The following E2F3 variants were observed in gnomAD, a reference collection of about 807,000 sequenced individuals.
E2F3 encodes transcription factor E2F3.
Under a neutral mutation model 44.4 loss-of-function variants are expected in E2F3, and 11 were observed. The observed-to-expected ratio is 0.25, with a 90% CI of 0.16 to 0.41. E2F3 has a LOEUF of 0.41. Among genes scored for constraint, E2F3 ranks in the 10% least tolerant of loss-of-function variants. The pLI, the probability that E2F3 is intolerant of heterozygous loss-of-function variation, is 1.00. For synonymous variants in E2F3, 249 were observed against 253.0 expected (o/e 0.98, Z 0.15); for missense variants, 487 against 583.6 (o/e 0.83, Z 1.70).
At chr6:20,408,773 GAAT>G (rs1224400030) in intron 1 of E2F3, among the ~76,000 whole-genome samples, 1 of 152,284 alleles carries the variant, frequency 6.6e-6, no homozygotes, top group East Asian at 1.9e-4. Context: ...GGGACAAAAA[GAAT>G]AAAAAATAAT....
At chr6:20,418,258 GT>G (rs1279071447) in intron 1 of E2F3, among the ~76,000 whole-genome samples, 1 of 152,206 alleles carries the variant, frequency 6.6e-6, no homozygotes, top group African/African-American at 2.4e-5. Context: ...ATATAGTCGA[GT>G]TTTGTAAATA....
At chr6:20,471,654 T>C (rs1260686048) in intron 1 of E2F3, among the ~76,000 whole-genome samples, 1 of 152,210 alleles carries the variant, frequency 6.6e-6, no homozygotes, top group East Asian at 1.9e-4. Context: ...GTGCTGTTTT[T>C]AATAGACAAA....
intron 1 of E2F3, among the ~76,000 whole-genome samples, chr6:20,461,230 A>G (rs1761497674): frequency 6.6e-6 from 1 of 152,026 alleles, no homozygotes; most frequent in African/African-American, 2.4e-5. Context: ...ACGGTGGCTC[A>G]CTCCTGTAAT....
chr6:20,423,374 A>T (rs1760091358), intron 1 of E2F3, among the ~76,000 whole-genome samples: 1 of 145,926 alleles, frequency 6.9e-6, no homozygotes, highest in African/African-American at 2.4e-5. Context: ...ACAGTATAGT[A>T]AAAATACAGT....
At chr6:20,488,388 C>G in intron 6 of E2F3, 140 bp downstream of exon 6, 1 of 1,067,252 alleles carries the variant, frequency 9.4e-7, no homozygotes, top group Non-Finnish European at 1.3e-6. Context: ...GACATTCTGA[C>G]TGGTTTGCAG....
chr6:20,441,927 C>G (rs181837267), intron 1 of E2F3, among the ~76,000 whole-genome samples: 1 of 152,048 alleles, frequency 6.6e-6, no homozygotes, highest in Admixed American at 6.6e-5. Flanking sequence ...CCCCATCTTA[C>G]AATCCTACTA....
At chr6:20,416,735 A>T (rs1458462729) in intron 1 of E2F3, among the ~76,000 whole-genome samples, 1 of 152,086 alleles carries the variant, frequency 6.6e-6, no homozygotes, top group Non-Finnish European at 1.5e-5. Flanking sequence ...GTAGGGGGAA[A>T]CCCAGGCCGT....
At chr6:20,465,654 G>A (rs1329665716) in intron 1 of E2F3, among the ~76,000 whole-genome samples, 1 of 152,126 alleles carries the variant, frequency 6.6e-6, no homozygotes, top group East Asian at 1.9e-4. Context: ...TTATGCCTTT[G>A]CATCCTCATA....
Position 20,402,586 on chromosome 6 carries a change from G to T in E2F3, c.354G>T (p.Ala118=). Residue 118 remains alanine, a synonymous_variant, in exon 1 of 7, where the codon GCG becomes GCT. Transcript: ENST00000346618. This position sits in a 1 kb window ranked among gnomAD's most constrained non-coding sequence, Gnocchi z 5.6. ...CCGGGCTGCTGCAGCAGCCACCAGC[G>T]CTGGGACGCGGCGGCAGCGGCGGCG... The part of the protein sequence containing the change: ...SRAGLLQQPP[A]LGRGGSGGGG... The T allele has an allele frequency of 7.1e-7, 1 of 1,416,560 alleles. No individual in the cohort carries two copies. The highest frequency in any genetic ancestry group is 1.5e-5 in the South Asian group (1 of 64,886). The allele number at this position is 1,416,560 out of a possible 1,614,324, so 87.7% of individuals were successfully genotyped here.
At chr6:20,470,887 C>T (rs1222227590) in intron 1 of E2F3, among the ~76,000 whole-genome samples, 2 of 152,122 alleles carry the variant, frequency 1.3e-5, no homozygotes, top group East Asian at 1.9e-4. Context: ...GTTTTGAACC[C>T]GTACATATTG....
intron 1 of E2F3, among the ~76,000 whole-genome samples, chr6:20,457,295 C>G (rs80055848): frequency 0.016 from 2,383 of 151,894 alleles, 22 homozygotes; most frequent in Non-Finnish European, 0.022. Flanking sequence ...CCGTCTCGGC[C>G]TCCCAAGTAG....
intron 1 of E2F3, among the ~76,000 whole-genome samples, chr6:20,412,931 C>G (rs909574909): frequency 3.9e-5 from 6 of 152,186 alleles, no homozygotes; most frequent in Non-Finnish European, 7.3e-5. Flanking sequence ...CCGCATGTAT[C>G]GAGGGCACTA....
chr6:20,492,658 G>A lies in E2F3; in HGVS notation c.*2228G>A. 4.3e-6 allele frequency: 1 copy of A among 232,014 alleles called. No homozygotes were observed. The highest frequency in any genetic ancestry group is 8.5e-6 in the Non-Finnish European group (1 of 117,020). 14.4% of individuals were successfully genotyped at this position (232,014 alleles called of 1,614,324 possible). On this transcript the variant is annotated 3_prime_UTR_variant, in exon 7 of 7. Transcript: ENST00000346618. ...TGGCTAGATTGTTGTGTGTTTTGTT[G>A]AATTTTTTCATAATGTAATGCCGTA...
chr6:20,482,567 GA>G (rs1197479450), intron 3 of E2F3, among the ~76,000 whole-genome samples, 194 bp from the exon 4 acceptor site: 1 of 140,174 alleles, frequency 7.1e-6, no homozygotes, highest in Non-Finnish European at 1.5e-5. Flanking sequence ...TCTATGCTGT[GA>G]AAAGTGCAGA....
chr6:20,427,386 ACTC>A (rs1334326323), intron 1 of E2F3, among the ~76,000 whole-genome samples: 2 of 152,144 alleles, frequency 1.3e-5, no homozygotes, highest in African/African-American at 2.4e-5. Context: ...TCCTGAAACT[ACTC>A]CTGCAAAATC....
rs749613821 is a variant in E2F3 at position 20,402,469 on chromosome 6, A to C, written c.237A>C (p.Val79=). ...SCSSSLQSGA[V]AAGPLLPSAP... ...CCTCCTCCCTCCAAAGCGGCGCCGT[A>C]GCCGCCGGCCCCCTCCTCCCCAGTG... is the stretch of plus-strand genomic sequence containing the variant. Residue 79 remains valine (V), a synonymous_variant, in exon 1 of 7, where the codon GTA becomes GTC. Transcript: ENST00000346618. This position sits in a 1 kb window ranked among gnomAD's most constrained non-coding sequence, Gnocchi z 5.6. 7.5e-6 allele frequency: 12 copies of C among 1,609,144 alleles called. No individual in the cohort carries two copies. Among genetic ancestry groups the C allele is most frequent in the Non-Finnish European group, 1.0e-5 (12 of 1,179,252 alleles).
At chr6:20,431,788 G>T (rs1463642127) in intron 1 of E2F3, among the ~76,000 whole-genome samples, 1 of 152,138 alleles carries the variant, frequency 6.6e-6, no homozygotes, top group Non-Finnish European at 1.5e-5. Flanking sequence ...TCTAAATTTA[G>T]ACACCTATTA....
At chr6:20,466,130 G>T (rs927032757) in intron 1 of E2F3, among the ~76,000 whole-genome samples, 2 of 148,248 alleles carry the variant, frequency 1.3e-5, no homozygotes, top group South Asian at 2.1e-4. Context: ...GGCGGGGGGT[G>T]TGGGCAGAGT....
chr6:20,442,824 G>A (rs981414370), intron 1 of E2F3, among the ~76,000 whole-genome samples: 2 of 152,004 alleles, frequency 1.3e-5, no homozygotes, highest in Admixed American at 1.3e-4. Context: ...AGAAAAATTG[G>A]CCGGGCATGG....
Sources: gnomAD v4.1 joint callset for allele counts (sites outside exome capture counted in the v4.1 genomes callset) on GRCh38, gnomAD v4.1.1 for gene constraint, Gnocchi (gnomAD v3.1) non-coding constraint, MANE v1.5 for transcripts, NCBI Gene and HGNC (gene_info 2026-07-23, HGNC 2026-07-21) for gene names.